The following RASAL2 variants were observed in gnomAD, a reference collection of about 807,000 sequenced individuals.
The protein encoded by RASAL2 is ras GTPase-activating protein nGAP.
RASAL2 carries 58 observed loss-of-function variants against 128.9 expected under a neutral mutation model. The ratio of observed to expected loss-of-function variants is 0.45; its 90% confidence interval spans 0.36 to 0.56. The LOEUF is 0.56. Among genes scored for constraint, RASAL2 ranks in the 20% least tolerant of loss-of-function variants. The pLI, the probability that RASAL2 is intolerant of heterozygous loss-of-function variation, is 0.00. For synonymous variants in RASAL2, 561 were observed against 580.8 expected (o/e 0.97, Z 0.49); for missense variants, 1,360 against 1,601.6 (o/e 0.85, Z 2.57).
chr1:178,180,603 G>GTTTCAGT (rs1662067244), intron 1 of RASAL2, among the ~76,000 whole-genome samples: 1 of 150,304 alleles, frequency 6.7e-6, no homozygotes, highest in African/African-American at 2.4e-5. Flanking sequence ...GAAGGTGGAG[G>GTTTCAGT]TTTCAGTGAG....
At chr1:178,327,738 C>T (rs961984459) in intron 3 of RASAL2, among the ~76,000 whole-genome samples, 1 of 152,092 alleles carries the variant, frequency 6.6e-6, no homozygotes, top group Admixed American at 6.5e-5. Context: ...TAGAAATGGC[C>T]AGTCCCAAGA....
In RASAL2 at chr1:178,171,733, A is replaced by G. The variant is rs190239726; in HGVS notation, c.202+77039A>G. On this transcript the variant is annotated intron_variant, in intron 1 of 17. Transcript: ENST00000367649. Reference sequence around the variant, plus strand: ...GGTTGGAGGAGAGAGATTTAAGACTAAAGTGTTAGGAGTAGTAACCTTCCC... The same window carrying G: ...GGTTGGAGGAGAGAGATTTAAGACTGAAGTGTTAGGAGTAGTAACCTTCCC... 5.3e-5 allele frequency among the ~76,000 whole-genome samples: 8 copies of G among 152,056 alleles called. No homozygotes were observed. In the East Asian group the frequency reaches 1.5e-3, roughly 29 times the overall value.
intron 1 of RASAL2, among the ~76,000 whole-genome samples, chr1:178,218,258 G>A (rs1457044709): frequency 6.6e-6 from 1 of 152,196 alleles, no homozygotes; most frequent in Admixed American, 6.5e-5. Flanking sequence ...TGTTAGGAGG[G>A]ATGAAAACAA....
chr1:178,173,363 A>G (rs984539855), intron 1 of RASAL2, among the ~76,000 whole-genome samples: 11 of 152,196 alleles, frequency 7.2e-5, no homozygotes, highest in African/African-American at 2.2e-4. Flanking sequence ...GGCCTTTGTC[A>G]TAGAATGCAC....
chr1:178,203,979 C>T (rs547016872), intron 1 of RASAL2, among the ~76,000 whole-genome samples: 1 of 152,304 alleles, frequency 6.6e-6, no homozygotes, highest in Non-Finnish European at 1.5e-5. Flanking sequence ...CCATGACCTG[C>T]TGAGGTGCTT....
At chr1:178,205,758 C>T (rs982310234) in intron 1 of RASAL2, among the ~76,000 whole-genome samples, 7 of 146,410 alleles carry the variant, frequency 4.8e-5, no homozygotes, top group African/African-American at 1.3e-4. Context: ...CTCCGTCTAA[C>T]AAAAAAAAAA....
intron 9 of RASAL2, among the ~76,000 whole-genome samples, 187 bp from the exon 10 acceptor site, chr1:178,451,379 CATGAT>C (rs1264702689): frequency 6.6e-6 from 1 of 152,094 alleles, no homozygotes; most frequent in Non-Finnish European, 1.5e-5. Flanking sequence ...GAAAAATAAA[CATGAT>C]ATGTAGGATG....
At chr1:178,163,271 C>G (rs370223782) in intron 1 of RASAL2, among the ~76,000 whole-genome samples, 2 of 152,066 alleles carry the variant, frequency 1.3e-5, no homozygotes, top group East Asian at 3.9e-4. Flanking sequence ...TTTCTTTACA[C>G]TTTCTTGATG....
At chr1:178,232,988 C>CCTA (rs1463492234) in intron 1 of RASAL2, among the ~76,000 whole-genome samples, 48 of 152,278 alleles carry the variant, frequency 3.2e-4, no homozygotes, top group Admixed American at 2.2e-3. Flanking sequence ...AGAAATGTAA[C>CCTA]CTACTGCAGG....
chr1:178,122,116 C>T (rs922755319), intron 1 of RASAL2, among the ~76,000 whole-genome samples: 4 of 152,032 alleles, frequency 2.6e-5, no homozygotes, highest in Non-Finnish European at 5.9e-5. Context: ...TTCAAAGGAG[C>T]GTGGAATCCA....
At chr1:178,457,323 G>C (rs1677843754) in intron 13 of RASAL2, among the ~76,000 whole-genome samples, 1 of 152,204 alleles carries the variant, frequency 6.6e-6, no homozygotes, top group Non-Finnish European at 1.5e-5. Flanking sequence ...CTTTTGCAGG[G>C]ACCTTTCAGT....
chr1:178,230,324 C>T (rs1230514320), intron 1 of RASAL2, among the ~76,000 whole-genome samples: 1 of 152,118 alleles, frequency 6.6e-6, no homozygotes, highest in Admixed American at 6.5e-5. Flanking sequence ...AGTGGAATTG[C>T]TGGTTCATAG....
intron 4 of RASAL2, among the ~76,000 whole-genome samples, chr1:178,413,257 G>A (rs1356188312): frequency 6.6e-6 from 1 of 152,178 alleles, no homozygotes; most frequent in Non-Finnish European, 1.5e-5. Context: ...ACCACACCTG[G>A]CCCGTTCTGT....
At chr1:178,115,461 A>T (rs1659491453) in intron 1 of RASAL2, among the ~76,000 whole-genome samples, 1 of 152,192 alleles carries the variant, frequency 6.6e-6, no homozygotes, top group Non-Finnish European at 1.5e-5. Flanking sequence ...ATTTGTACTA[A>T]GACCAAAAGG....
At chr1:178,174,602 C>T (rs1661822243) in intron 1 of RASAL2, among the ~76,000 whole-genome samples, 1 of 152,068 alleles carries the variant, frequency 6.6e-6, no homozygotes, top group South Asian at 2.1e-4. Flanking sequence ...GAAGTTTAAA[C>T]TGTTTCTAGA....
intron 4 of RASAL2, among the ~76,000 whole-genome samples, chr1:178,409,672 G>C (rs1454596391): frequency 6.6e-6 from 1 of 152,170 alleles, no homozygotes; most frequent in Non-Finnish European, 1.5e-5. Flanking sequence ...GCTGCTTTTA[G>C]GTACCTTTGG....
intron 1 of RASAL2, among the ~76,000 whole-genome samples, chr1:178,097,314 G>A (rs1253923213): frequency 6.6e-6 from 1 of 152,186 alleles, no homozygotes; most frequent in East Asian, 1.9e-4. Context: ...TAGCTTTAAA[G>A]TTGTCTGATT....
intron 3 of RASAL2, among the ~76,000 whole-genome samples, chr1:178,311,945 A>G (rs1668275886): frequency 1.3e-5 from 2 of 152,218 alleles, no homozygotes; most frequent in Non-Finnish European, 2.9e-5. Flanking sequence ...GATGTTACAT[A>G]CATGAAACAA....
chr1:178,157,267 A>C (rs1454492786), intron 1 of RASAL2, among the ~76,000 whole-genome samples: 1 of 152,164 alleles, frequency 6.6e-6, no homozygotes, highest in Non-Finnish European at 1.5e-5. Context: ...CAGTGGTCTA[A>C]GTATTTTTAC....
Sources: allele counts gnomAD v4.1 joint callset (sites outside exome capture counted in the v4.1 genomes callset), GRCh38; gene constraint gnomAD v4.1.1; transcripts MANE v1.5; gene names NCBI Gene and HGNC (gene_info 2026-07-23, HGNC 2026-07-21).